The following CSMD2 variants were observed in gnomAD, a reference collection of about 807,000 sequenced individuals.
CSMD2 encodes CUB and sushi domain-containing protein 2.
In CSMD2, 130 loss-of-function variants were observed where a neutral mutation model predicts 398.5. The ratio of observed to expected loss-of-function variants is 0.33; its 90% CI spans 0.28 to 0.38. The LOEUF is 0.38. Among genes scored for constraint, CSMD2 ranks in the 10% least tolerant of loss-of-function variants. The pLI is 1.00. For synonymous variants in CSMD2, 1,828 were observed against 1,908.5 expected (o/e 0.96, Z 1.10); for missense variants, 3,829 against 4,764.9 (o/e 0.80, Z 5.78).
intron 44 of CSMD2, among the ~76,000 whole-genome samples, chr1:33,589,536 G>A (rs539340431): frequency 3.3e-5 from 5 of 152,252 alleles, no homozygotes; most frequent in East Asian, 1.9e-4. Context: ...CATTTTTCAC[G>A]TTAATGGCCT....
At position 33,724,311 on chromosome 1, in the gene CSMD2, G is replaced by A. The variant is rs1172399234; in HGVS notation, c.2887C>T (p.Leu963Phe). The change falls in exon 19 of 71, where the codon CTC (leucine) becomes TTC (phenylalanine). Residue 963 changes from leucine to phenylalanine, a missense_variant and splice_region_variant. Physicochemically the swap from Leu to Phe is conservative, Grantham distance 22 (BLOSUM62 0). Coordinates refer to ENST00000373381, the MANE Select transcript of CSMD2 (RefSeq NM_001281956.2). ...WSRALPSCEALCGGFIQGSSG... is the reference protein window; with the variant it reads ...WSRALPSCEAFCGGFIQGSSG... ...GAGCCTTGAATGAAGCCACCACAGA[G>A]AGCTACAGAAGGAGTGAAGAGGGCA... is the stretch of plus-strand genomic sequence containing the variant. 2 of 1,611,892 alleles carry A rather than the reference G, an allele frequency of 1.2e-6. No homozygotes were observed. Among genetic ancestry groups the A allele is most frequent in the Non-Finnish European group, 1.7e-6 (2 of 1,178,112 alleles).
intron 5 of CSMD2, chr1:33,864,192 A>G (rs1265856526): frequency 1.9e-6 from 3 of 1,593,214 alleles, no homozygotes; most frequent in Non-Finnish European, 2.6e-6. Flanking sequence ...ACTTACGAAC[A>G]TGGGAAAAGA....
chr1:33,583,499 C>T (rs952716199), intron 47 of CSMD2, 143 bp downstream of exon 47: 2 of 799,868 alleles, frequency 2.5e-6, no homozygotes, highest in African/African-American at 1.7e-5. Flanking sequence ...GTCCCATGGC[C>T]TTGGGGTTGC....
intron 5 of CSMD2, among the ~76,000 whole-genome samples, chr1:33,848,885 A>C (rs1006770150): frequency 6.7e-6 from 1 of 148,650 alleles, no homozygotes; most frequent in Non-Finnish European, 1.5e-5. Flanking sequence ...TATATAAGGG[A>C]AGTAGAAGTA....
chr1:33,831,711 A>G (rs1206621382), intron 6 of CSMD2, among the ~76,000 whole-genome samples: 4 of 152,194 alleles, frequency 2.6e-5, no homozygotes, highest in Non-Finnish European at 5.9e-5. Context: ...AAAGACATCG[A>G]CTGGTAAATT....
chr1:34,016,136 C>CAT (rs1191926803), intron 3 of CSMD2, among the ~76,000 whole-genome samples: 2 of 151,788 alleles, frequency 1.3e-5, no homozygotes, highest in African/African-American at 4.8e-5. Context: ...TATAGAGAAA[C>CAT]ATATACGTTT....
chr1:34,014,877 A>G (rs919721691), intron 3 of CSMD2, among the ~76,000 whole-genome samples: 2 of 152,152 alleles, frequency 1.3e-5, no homozygotes, highest in African/African-American at 4.8e-5. Flanking sequence ...AAACAAAGAT[A>G]CTCTCTGTAC....
chr1:34,141,453 G>A (rs7551841), intron 1 of CSMD2, among the ~76,000 whole-genome samples: 5,937 of 152,242 alleles, frequency 0.039, 366 homozygotes, highest in African/African-American at 0.14. Flanking sequence ...AGGGATTACT[G>A]TGGATGAGGG....
At chr1:33,620,129 A>C (rs1027282358) in intron 37 of CSMD2, among the ~76,000 whole-genome samples, 1 of 152,232 alleles carries the variant, frequency 6.6e-6, no homozygotes, top group Non-Finnish European at 1.5e-5. Flanking sequence ...ATTTTATTTA[A>C]GCCATGCTTA....
intron 22 of CSMD2, among the ~76,000 whole-genome samples, chr1:33,703,191 A>G (rs1315847016): frequency 6.6e-6 from 1 of 152,154 alleles, no homozygotes; most frequent in African/African-American, 2.4e-5. Context: ...AAACTCAAGA[A>G]TTTTCCTGAA....
intron 44 of CSMD2, chr1:33,599,795 G>A: frequency 5.0e-6 from 1 of 201,880 alleles, no homozygotes; most frequent in East Asian, 1.2e-4. Flanking sequence ...GGCAGTCACA[G>A]CTGCTTAGGT....
rs895409037 is a variant in CSMD2 at position 33,624,271 on chromosome 1, C to G, written c.5625+248G>C. Among the ~76,000 whole-genome samples, 3 of 152,192 alleles carry G rather than the reference C, an allele frequency of 2.0e-5. No individual in the cohort carries two copies. Among genetic ancestry groups the G allele is most frequent in the African/African-American group, 7.2e-5 (3 of 41,438 alleles). On this transcript the variant is annotated intron_variant, in intron 35 of 70. Transcript: ENST00000373381. This position sits in a 1 kb window ranked among gnomAD's most constrained non-coding sequence, Gnocchi z 4.7. Reference sequence around the variant, plus strand: ...CACCTCTCCTCCTTCCTGGGTTACCCGACTCCCACCGCATGTCCCTGAAGC... The same window carrying G: ...CACCTCTCCTCCTTCCTGGGTTACCGGACTCCCACCGCATGTCCCTGAAGC...
intron 22 of CSMD2, among the ~76,000 whole-genome samples, chr1:33,706,185 G>A (rs1251696232): frequency 6.6e-6 from 1 of 152,006 alleles, no homozygotes; most frequent in Non-Finnish European, 1.5e-5. Context: ...ATTTCCAGCG[G>A]TTTTTATTTA....
chr1:33,916,230 A>T (rs1643715301), intron 5 of CSMD2, among the ~76,000 whole-genome samples: 1 of 152,214 alleles, frequency 6.6e-6, no homozygotes, highest in Admixed American at 6.5e-5. Context: ...CATATTAAAT[A>T]TATATAAATA....
chr1:33,733,301 CTGTTT>C, intron 15 of CSMD2, among the ~76,000 whole-genome samples: 1 of 152,310 alleles, frequency 6.6e-6, no homozygotes, highest in East Asian at 1.9e-4. Flanking sequence ...CTGTCTTCCA[CTGTTT>C]TGTGGTAGAA....
chr1:34,058,993 C>T (rs1654168151), intron 2 of CSMD2, among the ~76,000 whole-genome samples: 3 of 151,928 alleles, frequency 2.0e-5, no homozygotes, highest in Non-Finnish European at 4.4e-5. Flanking sequence ...GCAAAGAAAC[C>T]CAGCCCTGGT....
At chr1:33,540,468 G>C in intron 60 of CSMD2, 57 bp downstream of exon 60, 1 of 1,582,516 alleles carries the variant, frequency 6.3e-7, no homozygotes, top group Non-Finnish European at 8.6e-7. Flanking sequence ...GCTCCGAGGA[G>C]GCAAGGGGAA....
chr1:33,974,810 C>T (rs1005648174), intron 3 of CSMD2, among the ~76,000 whole-genome samples: 19 of 152,152 alleles, frequency 1.2e-4, no homozygotes, highest in African/African-American at 4.3e-4. Flanking sequence ...TCCCACAGAA[C>T]GGAAGGAGTA....
chr1:33,620,827 T>C (rs1228087106), intron 37 of CSMD2, among the ~76,000 whole-genome samples: 1 of 150,040 alleles, frequency 6.7e-6, no homozygotes, highest in Non-Finnish European at 1.5e-5. Flanking sequence ...TTTTTTTTTT[T>C]TTTCCAGGTG....
Sources: gnomAD v4.1 joint callset for allele counts (sites outside exome capture counted in the v4.1 genomes callset) on GRCh38, gnomAD v4.1.1 for gene constraint, Gnocchi (gnomAD v3.1) non-coding constraint, MANE v1.5 for transcripts, NCBI Gene and HGNC (gene_info 2026-07-23, HGNC 2026-07-21) for gene names.